MON1B: variants seen among roughly 807,000 people sequenced by gnomAD.
The protein encoded by MON1B is vacuolar fusion protein MON1 homolog B.
A neutral mutation model predicts 45.1 loss-of-function variants in MON1B; 26 were observed. The observed-to-expected ratio is 0.58, with a 90% CI of 0.42 to 0.80. MON1B has a LOEUF of 0.80. MON1B is among the 30% of genes least tolerant of loss of function. The probability of loss-of-function intolerance (pLI) is 0.00; values close to 1 mark genes in which losing one functional copy is unlikely to be tolerated. For missense variants in MON1B, 737 were observed against 754.5 expected, an observed-to-expected ratio of 0.98 and a Z score of 0.27; for synonymous variants, 395 against 320.2, an observed-to-expected ratio of 1.23 and a Z score of -2.49.
Position 77,197,068 on chromosome 16 carries a change from T to C in MON1B, c.1444-1040T>C, listed in dbSNP as rs144995096. Among the ~76,000 whole-genome samples, 426 of 152,062 alleles carry C rather than the reference T, an allele frequency of 2.8e-3. 1 individual carries two copies. The highest frequency in any genetic ancestry group is 9.9e-3 in the African/African-American group (410 of 41,478). Reference sequence around the variant, plus strand: ...GAGCCCTTATACCTTTTAGTAGAGATTGGAATTTTAAAACCAAGATATGGG... The same window carrying C: ...GAGCCCTTATACCTTTTAGTAGAGACTGGAATTTTAAAACCAAGATATGGG... On this transcript the variant is annotated intron_variant, in intron 5 of 5. Coordinates refer to ENST00000248248, the MANE Select transcript of MON1B (RefSeq NM_014940.4).
chr16:77,192,493 T>C (rs560161054), intron 2 of MON1B, among the ~76,000 whole-genome samples: 106 of 152,190 alleles, frequency 7.0e-4, no homozygotes, highest in Non-Finnish European at 1.3e-3. Context: ...GTAGGGGCTG[T>C]TGAAGTTGTG....
At position 77,199,225 on chromosome 16, in the gene MON1B, A is replaced by T; in HGVS notation, c.*917A>T. ...TACCCTCACTCCCCAACTGGCCATT[A>T]CCCTAGTTCTGCCCTTGTTTGTGGA... On this transcript the variant is annotated 3_prime_UTR_variant, in exon 6 of 6. Transcript: ENST00000248248. 3.7e-6 allele frequency: 2 copies of T among 542,022 alleles called. No homozygotes were observed. The highest frequency in any genetic ancestry group is 5.3e-5 in the South Asian group (2 of 38,064). 33.6% of individuals were successfully genotyped at this position (542,022 alleles called of 1,614,324 possible). A position where few individuals can be genotyped will look rare whatever the true frequency, so the allele number is the denominator to read the frequency against.
rs79618965 is a variant in MON1B at position 77,196,144 on chromosome 16, C to T, written c.1443+462C>T. Among the ~76,000 whole-genome samples, 751 of 152,278 alleles carry T rather than the reference C, an allele frequency of 4.9e-3. 5 individuals carry two copies. The highest frequency in any genetic ancestry group is 0.017 in the African/African-American group (691 of 41,538). On this transcript the variant is annotated intron_variant, in intron 5 of 5. Transcript: ENST00000248248. ...TTGGTCTCCTCTGGGCTCCAGCCCT[C>T]ACTTCCTATGGGTTTGCTAAAGGTC...
Position 77,194,404 on chromosome 16 carries a change from C to A in MON1B, c.545C>A (p.Ser182Ter). Residue 182 changes from serine to a stop codon, truncating the protein, a stop_gained, in exon 4 of 6, where the codon TCA becomes TAA. Coordinates refer to ENST00000248248, the MANE Select transcript of MON1B (RefSeq NM_014940.4). LOFTEE classifies it high-confidence loss of function. The surrounding 1 kb of genome is among the most constrained non-coding windows in gnomAD (Gnocchi z 8.1). ...GTGGCCATGTCACGGACTTCTCAGTCAGCAGCCCAGCTGCGGGGGGAGCTG... is the reference window on the plus strand; with the variant it reads ...GTGGCCATGTCACGGACTTCTCAGTAAGCAGCCCAGCTGCGGGGGGAGCTG... ...LLVAMSRTSQ[S>*]AAQLRGELLA... 6.2e-7 allele frequency: 1 copy of A among 1,613,452 alleles called. No homozygotes were observed. Among genetic ancestry groups the A allele is most frequent in the African/African-American group, 1.3e-5 (1 of 75,062 alleles).
rs751690285 is a variant in MON1B at position 77,194,883 on chromosome 16, C to T, written c.1024C>T (p.Arg342Cys). 1.1e-4 allele frequency: 173 copies of T among 1,612,404 alleles called. No homozygotes were observed. Among genetic ancestry groups the T allele is most frequent in the Non-Finnish European group, 1.4e-4 (164 of 1,180,012 alleles). ...PDGFFYAYVA[R>C]LDAMPVCLLL... is the part of the protein sequence containing the mutation. ...TGGTTTTTTCTACGCCTACGTGGCCCGCCTGGATGCTATGCCTGTCTGCCT... is the reference window on the plus strand; with the variant it reads ...TGGTTTTTTCTACGCCTACGTGGCCTGCCTGGATGCTATGCCTGTCTGCCT... The change falls in exon 4 of 6, where the codon CGC becomes TGC. Residue 342 changes from arginine to cysteine, a missense_variant. Arg to Cys is a radical substitution (Grantham distance 180). Coordinates refer to ENST00000248248, the MANE Select transcript of MON1B (RefSeq NM_014940.4). This position sits in a 1 kb window ranked among gnomAD's most constrained non-coding sequence, Gnocchi z 8.1.
Position 77,199,207 on chromosome 16 carries a change from A to G in MON1B, c.*899A>G, listed in dbSNP as rs1436387426. 1 of 512,276 alleles carries G rather than the reference A, an allele frequency of 2.0e-6. No homozygotes were observed. Among genetic ancestry groups the G allele is most frequent in the Non-Finnish European group, 3.5e-6 (1 of 287,496 alleles). 31.7% of individuals were successfully genotyped at this position (512,276 alleles called of 1,614,324 possible). A position where few individuals can be genotyped will look rare whatever the true frequency, so the allele number is the denominator to read the frequency against. On this transcript the variant is annotated 3_prime_UTR_variant, in exon 6 of 6. Coordinates refer to ENST00000248248, the MANE Select transcript of MON1B (RefSeq NM_014940.4). ...TTTTGTGTGTGTGCACACTACCCTC[A>G]CTCCCCAACTGGCCATTACCCTAGT... is the stretch of plus-strand genomic sequence containing the variant.
intron 5 of MON1B, among the ~76,000 whole-genome samples, chr16:77,197,649 C>A (rs532021164): frequency 6.6e-6 from 1 of 152,126 alleles, no homozygotes; most frequent in East Asian, 1.9e-4. Flanking sequence ...TGAAGGGGAG[C>A]GCTCTGGGAG....
At position 77,198,265 on chromosome 16, in the gene MON1B, C is replaced by G; in HGVS notation, c.1601C>G (p.Ser534Cys). ...PPKYSTPPAT[S>C]TDQAAHNGLF... ...AAGTACTCCACACCACCAGCCACCT[C>G]TACGGACCAAGCTGCCCATAATGGC... is the stretch of plus-strand genomic sequence containing the variant. Residue 534 changes from serine to cysteine, a missense_variant, in exon 6 of 6, where the codon TCT (serine) becomes TGT (cysteine). Ser to Cys is a moderately radical substitution (Grantham distance 112). Transcript: ENST00000248248. The G allele has an allele frequency of 6.2e-7, 1 of 1,614,222 alleles. No individual in the cohort carries two copies. The highest frequency in any genetic ancestry group is 1.6e-4 in the Middle Eastern group (1 of 6,062).
Position 77,193,922 on chromosome 16 carries a change from G to T in MON1B, c.475+145G>T. The T allele has an allele frequency of 1.3e-6, 1 of 797,192 alleles. No individual in the cohort carries two copies. Among genetic ancestry groups the T allele is most frequent in the South Asian group, 1.8e-5 (1 of 54,740 alleles). The allele number at this position is 797,192 out of a possible 1,614,324, so 49.4% of individuals were successfully genotyped here. On this transcript the variant is annotated intron_variant, in intron 3 of 5. Coordinates refer to ENST00000248248, the MANE Select transcript of MON1B (RefSeq NM_014940.4). The surrounding 1 kb of genome is among the most constrained non-coding windows in gnomAD (Gnocchi z 5.0). The stretch of plus-strand genomic sequence containing the variant: ...GGTCAGCCAGAGCTCTGTCAGTGGC[G>T]GGAGGTGGGGGGGTTCATCTCTGTC...
Position 77,199,471 on chromosome 16 carries a change from C to G in MON1B, c.*1163C>G, listed in dbSNP as rs1462892430. ...TGGAAAATGGCGGGGAAGCTGAAACCTCTGAATGTGGAGGCGCCAGAAGCT... is the reference window on the plus strand; with the variant it reads ...TGGAAAATGGCGGGGAAGCTGAAACGTCTGAATGTGGAGGCGCCAGAAGCT... On this transcript the variant is annotated 3_prime_UTR_variant, in exon 6 of 6. Coordinates refer to ENST00000248248, the MANE Select transcript of MON1B (RefSeq NM_014940.4). 7 of 1,551,008 alleles carry G rather than the reference C, an allele frequency of 4.5e-6. No individual in the cohort carries two copies. In the East Asian group the frequency reaches 7.3e-5, roughly 16 times the overall value.
In MON1B at chr16:77,199,128, C is replaced by G. The variant is rs1198469743; in HGVS notation, c.*820C>G. On this transcript the variant is annotated 3_prime_UTR_variant, in exon 6 of 6. Coordinates refer to ENST00000248248, the MANE Select transcript of MON1B (RefSeq NM_014940.4). ...ATAGCACATGCACGTCTGTCCCAGA[C>G]TTTGACAACCTGCACAAGACAAGCA... 3.0e-6 allele frequency: 1 copy of G among 333,190 alleles called. No individual in the cohort carries two copies. Among genetic ancestry groups the G allele is most frequent in the African/African-American group, 2.1e-5 (1 of 47,090 alleles). The allele number at this position is 333,190 out of a possible 1,614,324, so 20.6% of individuals were successfully genotyped here. A position where few individuals can be genotyped will look rare whatever the true frequency, so the allele number is the denominator to read the frequency against.
At chr16:77,196,835 A>G (rs952699318) in intron 5 of MON1B, among the ~76,000 whole-genome samples, 5 of 152,074 alleles carry the variant, frequency 3.3e-5, no homozygotes, top group Non-Finnish European at 7.4e-5. Context: ...TTTTCTATCA[A>G]TATTGTCTCA....
chr16:77,198,086 CTG>C lies in MON1B; in HGVS notation c.1444-20_1444-19del. The C allele has an allele frequency of 6.2e-7, 1 of 1,611,078 alleles. No homozygotes were observed. The highest frequency in any genetic ancestry group is 8.5e-7 in the Non-Finnish European group (1 of 1,177,788). ...ATAGCCAGCTCTGGCCCATCTGACT[CTG>C]TCTCCTCCGAAACCCCCAGGTGACC... On this transcript the variant is annotated intron_variant, in intron 5 of 5. Coordinates refer to ENST00000248248, the MANE Select transcript of MON1B (RefSeq NM_014940.4).
At position 77,201,446 on chromosome 16, in the gene MON1B, AG is replaced by A. The variant is rs1423339394; in HGVS notation, c.*3141del. On this transcript the variant is annotated 3_prime_UTR_variant, in exon 6 of 6. Transcript: ENST00000248248. ...CTAGCCCATCAAATCGGCTTTATAAAGGGAAGCATAGTATCTGGTATTGACG... is the reference window on the plus strand; with the variant it reads ...CTAGCCCATCAAATCGGCTTTATAAAGGAAGCATAGTATCTGGTATTGACG... 7 of 152,358 alleles carry A rather than the reference AG, an allele frequency of 4.6e-5. No individual in the cohort carries two copies. Among genetic ancestry groups the A allele is most frequent in the African/African-American group, 1.4e-4 (6 of 41,590 alleles). 9.4% of individuals were successfully genotyped at this position (152,358 alleles called of 1,614,324 possible). A position where few individuals can be genotyped will look rare whatever the true frequency, so the allele number is the denominator to read the frequency against.
chr16:77,202,258 G>A lies in MON1B; in HGVS notation c.*3950G>A, dbSNP rs560375683. 2 of 152,134 alleles carry A rather than the reference G, an allele frequency of 1.3e-5. No homozygotes were observed. The highest frequency in any genetic ancestry group is 6.5e-5 in the Admixed American group (1 of 15,274). 9.4% of individuals were successfully genotyped at this position (152,134 alleles called of 1,614,324 possible). ...ACACTGGAATAGTAAGGAGTAGTGG[G>A]TCAAGATGTCTGCAACTTATTGTTC... is the stretch of plus-strand genomic sequence containing the variant. On this transcript the variant is annotated 3_prime_UTR_variant, in exon 6 of 6. Transcript: ENST00000248248.
In MON1B at chr16:77,199,772, A is replaced by G. The variant is rs1474607250; in HGVS notation, c.*1464A>G. The stretch of plus-strand genomic sequence containing the variant: ...GAAAGTAAACAACATGTAGTTCAGT[A>G]CGAAAGTCTTCAAACAAAAGTGGGG... On this transcript the variant is annotated 3_prime_UTR_variant, in exon 6 of 6. Coordinates refer to ENST00000248248, the MANE Select transcript of MON1B (RefSeq NM_014940.4). 3 of 369,176 alleles carry G rather than the reference A, an allele frequency of 8.1e-6. No individual in the cohort carries two copies. Among genetic ancestry groups the G allele is most frequent in the Non-Finnish European group, 4.8e-6 (1 of 206,344 alleles). The allele number at this position is 369,176 out of a possible 1,614,324, so 22.9% of individuals were successfully genotyped here.
Position 77,193,712 on chromosome 16 carries a change from G to C in MON1B, c.410G>C (p.Gly137Ala). ...GTGGAGGCGCTGTCGGCTACCATGG[G>C]TGTAATGACCGCCCTGGTGTCCTTT... is the stretch of plus-strand genomic sequence containing the variant. ...GSVEALSATMGVMTALVSFVQ... is the reference protein window; with the variant it reads ...GSVEALSATMAVMTALVSFVQ... Residue 137 changes from glycine (G) to alanine (A), a missense_variant, in exon 3 of 6, where the codon GGT becomes GCT. By Grantham distance (60) the Gly-to-Ala change is moderately conservative. Coordinates refer to ENST00000248248, the MANE Select transcript of MON1B (RefSeq NM_014940.4). This position sits in a 1 kb window ranked among gnomAD's most constrained non-coding sequence, Gnocchi z 5.0. 1.4e-5 allele frequency: 22 copies of C among 1,614,054 alleles called. No individual in the cohort carries two copies. The highest frequency in any genetic ancestry group is 1.9e-5 in the Non-Finnish European group (22 of 1,179,948).
At position 77,200,291 on chromosome 16, in the gene MON1B, T is replaced by TATATATATACACACAC; in HGVS notation, c.*1984_*1985insTATATATACACACACA. The TATATATATACACACAC allele has an allele frequency of 9.0e-6, 1 of 111,428 alleles. No individual in the cohort carries two copies. Among genetic ancestry groups the TATATATATACACACAC allele is most frequent in the African/African-American group, 3.4e-5 (1 of 29,726 alleles). The allele number at this position is 111,428 out of a possible 1,614,324, so 6.9% of individuals were successfully genotyped here. On this transcript the variant is annotated 3_prime_UTR_variant, in exon 6 of 6. Coordinates refer to ENST00000248248, the MANE Select transcript of MON1B (RefSeq NM_014940.4). ...ATATATGTGTATATATATATATATA[T>TATATATATACACACAC]ACACACACTAATCAGCCGGGCGCGG...
At chr16:77,196,614 A>T (rs1011830343) in intron 5 of MON1B, among the ~76,000 whole-genome samples, 2 of 152,110 alleles carry the variant, frequency 1.3e-5, no homozygotes, top group African/African-American at 4.8e-5. Flanking sequence ...CGTCTCTACT[A>T]AAAATACAAA....
Sources: allele counts gnomAD v4.1 joint callset (sites outside exome capture counted in the v4.1 genomes callset), GRCh38; gene constraint gnomAD v4.1.1; non-coding constraint Gnocchi (gnomAD v3.1); transcripts MANE v1.5; gene names NCBI Gene and HGNC (gene_info 2026-07-23, HGNC 2026-07-21).